The following CHN2 variants were observed in gnomAD, a reference collection of about 807,000 sequenced individuals.
The protein encoded by CHN2 is beta-chimaerin.
CHN2 carries 35 observed loss-of-function variants against 56.3 expected under a neutral mutation model. The ratio of observed to expected loss-of-function variants is 0.62; its 90% CI spans 0.47 to 0.82. CHN2 has a LOEUF of 0.82. Among genes scored for constraint, CHN2 ranks in the 40% least tolerant of loss-of-function variants. CHN2 has a pLI of 0.00. For missense variants in CHN2, 491 were observed against 580.5 expected, an observed-to-expected ratio of 0.85 and a Z score of 1.58; for synonymous variants, 210 against 212.8, an observed-to-expected ratio of 0.99 and a Z score of 0.12.
Position 29,377,468 on chromosome 7 carries a change from T to A in CHN2, c.144+9481T>A, listed in dbSNP as rs78775243. ...TTGCTAGATTTCCTTCTGGTTTTAATGTCCTCTTGCCTTAATGAAAATACT... is the reference window on the plus strand; with the variant it reads ...TTGCTAGATTTCCTTCTGGTTTTAAAGTCCTCTTGCCTTAATGAAAATACT... On this transcript the variant is annotated intron_variant, in intron 3 of 12. Coordinates refer to ENST00000222792, the MANE Select transcript of CHN2 (RefSeq NM_004067.4). Among the ~76,000 whole-genome samples, 1,517 of 152,376 alleles carry A rather than the reference T, an allele frequency of 1.0e-2. 25 individuals carry two copies. The highest frequency in any genetic ancestry group is 0.034 in the African/African-American group (1,415 of 41,586).
At chr7:29,410,330 G>A (rs945503692) in intron 6 of CHN2, among the ~76,000 whole-genome samples, 25 of 151,934 alleles carry the variant, frequency 1.6e-4, no homozygotes, top group Middle Eastern at 3.2e-3. Context: ...TAATTATATG[G>A]TGGTTTTTGG....
At chr7:29,477,304 G>A (rs1786683547) in intron 6 of CHN2, among the ~76,000 whole-genome samples, 1 of 152,132 alleles carries the variant, frequency 6.6e-6, no homozygotes. Context: ...TGAATCAATA[G>A]CTGAAAAAGA....
chr7:29,478,291 T>C (rs1043804175), intron 6 of CHN2, among the ~76,000 whole-genome samples: 23 of 151,214 alleles, frequency 1.5e-4, no homozygotes, highest in African/African-American at 5.1e-4. Context: ...TGGAGGGGAG[T>C]GTAGGGAAAT....
rs572172942 is a variant in CHN2, at chr7:29,472,297, A to G, written c.577-7982A>G. On this transcript the variant is annotated intron_variant, in intron 6 of 12. Transcript: ENST00000222792. ...TACACACACACACACACACACACACACGCACACACACACATTAGACACAGA... is the reference window on the plus strand; with the variant it reads ...TACACACACACACACACACACACACGCGCACACACACACATTAGACACAGA... 6.5e-4 allele frequency among the ~76,000 whole-genome samples: 87 copies of G among 133,242 alleles called. 1 individual carries two copies. Among genetic ancestry groups the G allele is most frequent in the African/African-American group, 2.3e-3 (83 of 36,436 alleles). 87.4% of individuals were successfully genotyped at this position (133,242 alleles called of 152,430 possible).
intron 2 of CHN2, among the ~76,000 whole-genome samples, chr7:29,184,199 A>AG (rs397934898): frequency 6.7e-6 from 1 of 149,120 alleles, no homozygotes; most frequent in East Asian, 1.9e-4. Context: ...ATAGATAGAT[A>AG]AAAGAGATAT....
intron 7 of CHN2, among the ~76,000 whole-genome samples, chr7:29,495,539 G>A (rs1031913096): frequency 6.6e-6 from 1 of 152,172 alleles, no homozygotes; most frequent in Non-Finnish European, 1.5e-5. Context: ...ATACCTGCCT[G>A]GATAGTGTAG....
intron 1 of CHN2, among the ~76,000 whole-genome samples, chr7:29,217,005 A>G (rs1785392840): frequency 6.6e-6 from 1 of 152,202 alleles, no homozygotes; most frequent in Non-Finnish European, 1.5e-5. Flanking sequence ...ATTAGGAGGA[A>G]AAACCTCCAG....
intron 4 of CHN2, among the ~76,000 whole-genome samples, chr7:29,396,025 G>A (rs1562573321): frequency 6.6e-6 from 1 of 151,948 alleles, no homozygotes; most frequent in Non-Finnish European, 1.5e-5. Flanking sequence ...ATTATACATT[G>A]TACTTATGTA....
intron 11 of CHN2, 140 bp from the exon 12 acceptor site, chr7:29,509,160 AT>A: frequency 3.2e-6 from 2 of 632,000 alleles, no homozygotes; most frequent in South Asian, 3.6e-5. Context: ...CAACAAATTG[AT>A]TAAGTGAAAC....
chr7:29,216,338 T>C (rs1165316037), intron 1 of CHN2, among the ~76,000 whole-genome samples: 3 of 152,160 alleles, frequency 2.0e-5, no homozygotes, highest in African/African-American at 7.2e-5. Flanking sequence ...TGCACTAGGA[T>C]TGAGATAATT....
At chr7:29,456,777 T>A (rs919557034) in intron 6 of CHN2, among the ~76,000 whole-genome samples, 5 of 152,060 alleles carry the variant, frequency 3.3e-5, no homozygotes, top group Admixed American at 1.3e-4. Flanking sequence ...CTAGGAGGGT[T>A]CTAGGAATGC....
chr7:29,299,275 C>T (rs374628753), intron 1 of CHN2, among the ~76,000 whole-genome samples: 1 of 152,244 alleles, frequency 6.6e-6, no homozygotes, highest in South Asian at 2.1e-4. Context: ...AGTACTGATC[C>T]GTGGTGATTT....
Position 29,233,825 on chromosome 7 carries a change from A to ATTTTTTTTTTTT in CHN2, c.49+38850_49+38861dup, listed in dbSNP as rs1175429614. Among the ~76,000 whole-genome samples the ATTTTTTTTTTTT allele has an allele frequency of 1.9e-3, 100 of 53,194 alleles. 13 individuals carry two copies. Among genetic ancestry groups the ATTTTTTTTTTTT allele is most frequent in the African/African-American group, 2.4e-3 (35 of 14,464 alleles). 34.9% of individuals were successfully genotyped at this position (53,194 alleles called of 152,430 possible). On this transcript the variant is annotated intron_variant, in intron 1 of 12. Coordinates refer to ENST00000222792, the MANE Select transcript of CHN2 (RefSeq NM_004067.4). Reference sequence around the variant, plus strand: ...AGAATGCAGCCCTGCCAACACCTTGATTTTTTTTTTTTTTTTTTTTTTTTT... The same window carrying ATTTTTTTTTTTT: ...AGAATGCAGCCCTGCCAACACCTTGATTTTTTTTTTTTTTTTTTTTTTTTTTTTTTTTTTTTT...
At chr7:29,274,328 T>G (rs1391595062) in intron 1 of CHN2, among the ~76,000 whole-genome samples, 1 of 152,154 alleles carries the variant, frequency 6.6e-6, no homozygotes, top group Non-Finnish European at 1.5e-5. Context: ...AACACATACG[T>G]TTTTCCTCTT....
chr7:29,498,758 C>CTTTTTTTTTTT (rs138784356), intron 8 of CHN2, among the ~76,000 whole-genome samples: 8 of 100,078 alleles, frequency 8.0e-5, no homozygotes, highest in African/African-American at 2.2e-4. Context: ...ACTATGCTGC[C>CTTTTTTTTTTT]TTTTTTTTTT....
At chr7:29,339,273 T>C (rs1796852629) in intron 1 of CHN2, among the ~76,000 whole-genome samples, 1 of 152,136 alleles carries the variant, frequency 6.6e-6, no homozygotes, top group Non-Finnish European at 1.5e-5. Flanking sequence ...TAATGTAAAT[T>C]ATGTAAAAGG....
chr7:29,374,851 G>GCCTC (rs70980533), intron 3 of CHN2, among the ~76,000 whole-genome samples: 12 of 38,914 alleles, frequency 3.1e-4, no homozygotes, highest in African/African-American at 6.9e-4. Flanking sequence ...CTTCCTTCCT[G>GCCTC]CCTCCCTCCC....
At chr7:29,421,187 T>C (rs2128105730) in intron 6 of CHN2, among the ~76,000 whole-genome samples, 1 of 152,308 alleles carries the variant, frequency 6.6e-6, no homozygotes, top group South Asian at 2.1e-4. Context: ...TCAATGAAGG[T>C]CAACTCAAGT....
chr7:29,466,142 C>T (rs1785530294), intron 6 of CHN2, among the ~76,000 whole-genome samples: 1 of 151,986 alleles, frequency 6.6e-6, no homozygotes, highest in Non-Finnish European at 1.5e-5. Context: ...GCAGAGGTTG[C>T]AGTAAGCCAA....
Sources: gnomAD v4.1 joint callset for allele counts (sites outside exome capture counted in the v4.1 genomes callset) on GRCh38, gnomAD v4.1.1 for gene constraint, MANE v1.5 for transcripts, NCBI Gene and HGNC (gene_info 2026-07-23, HGNC 2026-07-21) for gene names.